The following SYNE1 variants were observed in gnomAD, a reference collection of about 807,000 sequenced individuals.
SYNE1 encodes the protein spectrin repeat containing nuclear envelope protein 1, also known as nesprin-1.
Under a neutral mutation model 1,111.0 loss-of-function variants are expected in SYNE1, and 616 were observed. The ratio of observed to expected loss-of-function variants is 0.55; its 90% confidence interval spans 0.52 to 0.59. The LOEUF is 0.59. Among genes scored for constraint, SYNE1 ranks in the 20% least tolerant of loss-of-function variants. The pLI, the probability that SYNE1 is intolerant of heterozygous loss-of-function variation, is 0.00. For synonymous variants in SYNE1, 3,855 were observed against 3,825.8 expected (o/e 1.01, Z -0.28); for missense variants, 10,006 against 10,417.0 (o/e 0.96, Z 1.72).
intron 33 of SYNE1, 43 bp from the exon 34 acceptor site, chr6:152,433,988 T>G (rs773612782): frequency 6.6e-7 from 1 of 1,516,752 alleles, no homozygotes; most frequent in Admixed American, 1.8e-5. Context: ...AGTATTTTAA[T>G]AGAGAACAAC....
In SYNE1 at chr6:152,310,020, G is replaced by A. The variant is rs2095499490; in HGVS notation, c.17020-3C>T. On this transcript the variant is annotated splice_polypyrimidine_tract_variant and splice_region_variant and intron_variant, in intron 89 of 145. Coordinates refer to ENST00000367255, the MANE Select transcript of SYNE1 (RefSeq NM_182961.4). ...GACTCCATCTCAGACAACAAATGCT[G>A]AAAATGCAATTTCATAGTTCAAAAA... 4 of 1,612,952 alleles carry A rather than the reference G, an allele frequency of 2.5e-6. No individual in the cohort carries two copies. Among genetic ancestry groups the A allele is most frequent in the Non-Finnish European group, 3.4e-6 (4 of 1,179,910 alleles).
intron 40 of SYNE1, among the ~76,000 whole-genome samples, chr6:152,417,445 C>T (rs1319507101): frequency 6.6e-6 from 1 of 152,096 alleles, no homozygotes; most frequent in African/African-American, 2.4e-5. Flanking sequence ...TTGCAGTGAG[C>T]CAAGATTGCA....
intron 64 of SYNE1, among the ~76,000 whole-genome samples, chr6:152,361,746 C>T (rs1055989432): frequency 6.6e-6 from 1 of 150,754 alleles, no homozygotes; most frequent in Non-Finnish European, 1.5e-5. Flanking sequence ...GTTTTAAGAA[C>T]ATGCCATTAT....
chr6:152,418,535 T>G (rs749788946), intron 40 of SYNE1, among the ~76,000 whole-genome samples: 3 of 152,242 alleles, frequency 2.0e-5, no homozygotes, highest in Non-Finnish European at 2.9e-5. Context: ...TTCAATGCTT[T>G]ATGATCAATA....
intron 91 of SYNE1, chr6:152,302,380 A>C: frequency 2.2e-6 from 1 of 459,814 alleles, no homozygotes; most frequent in Non-Finnish European, 4.0e-6. Context: ...CTTCCGCAAC[A>C]TTAGGAACTG....
chr6:152,200,414 A>AT (rs2075171858), intron 127 of SYNE1, among the ~76,000 whole-genome samples: 1 of 152,106 alleles, frequency 6.6e-6, no homozygotes, highest in East Asian at 1.9e-4. Flanking sequence ...TAATGTATTT[A>AT]TTTTTTTACA....
At chr6:152,145,303 T>G (rs915062838) in intron 137 of SYNE1, 4 of 666,610 alleles carry the variant, frequency 6.0e-6, no homozygotes, top group African/African-American at 1.8e-5. Flanking sequence ...TTCGCTCAAT[T>G]AGTGAAATCT....
In SYNE1 at chr6:152,471,577, T is replaced by A; in HGVS notation, c.1632+20A>T. ...ATCCATGGCTCATAGGAATTCTCTG[T>A]CAAAGCACGGGGGACTCACCACGTA... On this transcript the variant is annotated intron_variant, in intron 16 of 145. Transcript: ENST00000367255. 6.2e-7 allele frequency: 1 copy of A among 1,613,064 alleles called. No homozygotes were observed. Among genetic ancestry groups the A allele is most frequent in the Non-Finnish European group, 8.5e-7 (1 of 1,179,090 alleles).
At chr6:152,202,415 G>T (rs2253407) in intron 126 of SYNE1, among the ~76,000 whole-genome samples, 57,733 of 147,770 alleles carry the variant, frequency 0.39, 12,454 homozygotes, top group East Asian at 0.57. Flanking sequence ...CAATATGAAG[G>T]TATGCCCACA....
At chr6:152,344,459 T>G (rs550088305) in intron 73 of SYNE1, among the ~76,000 whole-genome samples, 1 of 152,246 alleles carries the variant, frequency 6.6e-6, no homozygotes, top group African/African-American at 2.4e-5. Flanking sequence ...ATATCCGGAT[T>G]AGGGGAAGAG....
chr6:152,407,583 T>C (rs1039226847), intron 44 of SYNE1, among the ~76,000 whole-genome samples: 3 of 152,292 alleles, frequency 2.0e-5, no homozygotes. Flanking sequence ...AATGCTGAGG[T>C]ATAATTAGCA....
chr6:152,141,075 TGGAA>T, intron 139 of SYNE1, 124 bp downstream of exon 139: 1 of 1,342,606 alleles, frequency 7.4e-7, no homozygotes, highest in South Asian at 1.2e-5. Context: ...TGTTATAACT[TGGAA>T]GGAAGTTCTC....
At chr6:152,624,942 A>C (rs2099682858) in intron 3 of SYNE1, among the ~76,000 whole-genome samples, 2 of 80,924 alleles carry the variant, frequency 2.5e-5, no homozygotes, top group Middle Eastern at 6.3e-3. Context: ...TCAAAGCTGC[A>C]TGCTCTTTAT....
intron 3 of SYNE1, among the ~76,000 whole-genome samples, chr6:152,579,091 C>T (rs966992748): frequency 3.9e-5 from 6 of 152,032 alleles, no homozygotes; most frequent in African/African-American, 1.4e-4. Context: ...TTTTTTAAGT[C>T]ATATTGTAGA....
At chr6:152,475,412 T>C (rs2098829255) in intron 14 of SYNE1, among the ~76,000 whole-genome samples, 1 of 152,290 alleles carries the variant, frequency 6.6e-6, no homozygotes, top group East Asian at 1.9e-4. Flanking sequence ...GGCAAAATTA[T>C]CTAACATAAA....
intron 101 of SYNE1, among the ~76,000 whole-genome samples, chr6:152,258,041 A>C (rs1429150878): frequency 6.6e-6 from 1 of 152,206 alleles, no homozygotes; most frequent in Non-Finnish European, 1.5e-5. Flanking sequence ...ATGACAAAAA[A>C]TAAATAAGGG....
intron 105 of SYNE1, among the ~76,000 whole-genome samples, chr6:152,247,961 G>T (rs766266348): frequency 1.5e-4 from 22 of 151,662 alleles, no homozygotes; most frequent in Non-Finnish European, 1.6e-4. Flanking sequence ...TTAAATCAGA[G>T]AATTCTATTA....
chr6:152,434,442 C>G, intron 33 of SYNE1: 1 of 155,018 alleles, frequency 6.5e-6, no homozygotes, highest in Non-Finnish European at 1.4e-5. Context: ...CTCGTGATCT[C>G]AATCCCATGC....
chr6:152,382,116 TA>T (rs1473455003), intron 55 of SYNE1, among the ~76,000 whole-genome samples: 2 of 152,214 alleles, frequency 1.3e-5, no homozygotes, highest in Non-Finnish European at 2.9e-5. Context: ...ATCACATTGT[TA>T]AATTGATATA....
Sources: gnomAD v4.1 joint callset for allele counts (sites outside exome capture counted in the v4.1 genomes callset) on GRCh38, gnomAD v4.1.1 for gene constraint, MANE v1.5 for transcripts, NCBI Gene and HGNC (gene_info 2026-07-23, HGNC 2026-07-21) for gene names.